Variants in P3H2 observed in about 807,000 individuals in gnomAD.
The protein encoded by P3H2 is leprecan-like 1.
A neutral mutation model predicts 87.0 loss-of-function variants in P3H2; 80 were observed. The observed-to-expected ratio is 0.92, with a 90% CI of 0.77 to 1.11. P3H2 has a LOEUF of 1.11. P3H2 is among the 50% of genes least tolerant of loss of function. P3H2 has a pLI of 0.00. For missense variants in P3H2, 1,001 were observed against 923.9 expected, an observed-to-expected ratio of 1.08 and a Z score of -1.08; for synonymous variants, 367 against 359.3, an observed-to-expected ratio of 1.02 and a Z score of -0.24.
chr3:189,970,190 A>AT (rs1472895975), intron 13 of P3H2, among the ~76,000 whole-genome samples: 4 of 71,204 alleles, frequency 5.6e-5, no homozygotes, highest in African/African-American at 1.8e-4. Context: ...ATATATATGC[A>AT]AATATATATA....
chr3:190,010,633 C>G (rs898560690), intron 1 of P3H2, among the ~76,000 whole-genome samples: 3 of 152,140 alleles, frequency 2.0e-5, no homozygotes, highest in African/African-American at 7.2e-5. Flanking sequence ...AAAACCAAAC[C>G]TGACTCCTTG....
At chr3:190,058,252 T>A (rs757391001) in intron 1 of P3H2, among the ~76,000 whole-genome samples, 1 of 152,172 alleles carries the variant, frequency 6.6e-6, no homozygotes, top group African/African-American at 2.4e-5. Context: ...TAGTTCTTTT[T>A]CAGTAAGATG....
At chr3:190,054,918 T>TA (rs1404633664) in intron 1 of P3H2, among the ~76,000 whole-genome samples, 1 of 152,150 alleles carries the variant, frequency 6.6e-6, no homozygotes, top group Non-Finnish European at 1.5e-5. Context: ...ATATCCCTCT[T>TA]AAATGCCCCC....
At chr3:190,049,199 G>T (rs1029695368) in intron 1 of P3H2, among the ~76,000 whole-genome samples, 5 of 152,162 alleles carry the variant, frequency 3.3e-5, no homozygotes, top group Non-Finnish European at 7.4e-5. Flanking sequence ...AAAAGATCAG[G>T]ATCGGGGAGT....
intron 1 of P3H2, among the ~76,000 whole-genome samples, chr3:190,065,538 G>A (rs764963325): frequency 3.3e-5 from 5 of 152,028 alleles, no homozygotes; most frequent in South Asian, 2.1e-4. Flanking sequence ...AATCAGTAAC[G>A]ACATAGAGAT....
At chr3:190,120,929 G>A (rs1712557679), upstream of P3H2, 1 of 759,144 alleles carries the variant, frequency 1.3e-6, no homozygotes, top group Non-Finnish European at 1.9e-6. Flanking sequence ...GCTCTTAAAG[G>A]GACGCCCACA....
intron 1 of P3H2, among the ~76,000 whole-genome samples, chr3:190,084,172 T>C (rs2108981317): frequency 6.6e-6 from 1 of 152,352 alleles, no homozygotes; most frequent in African/African-American, 2.4e-5. Context: ...GAGCTGATTA[T>C]GTATATTGCA....
At chr3:189,986,315 C>T (rs189831613) in intron 6 of P3H2, among the ~76,000 whole-genome samples, 128 of 152,228 alleles carry the variant, frequency 8.4e-4, no homozygotes, top group African/African-American at 2.9e-3. Context: ...CCGGGTGCGG[C>T]GGCTCAAGCC....
chr3:189,956,801 AG>A lies in P3H2; in HGVS notation c.*1110del. 4.0e-6 allele frequency: 1 copy of A among 250,770 alleles called. No homozygotes were observed. The highest frequency in any genetic ancestry group is 5.5e-5 in the Admixed American group (1 of 18,276). 15.5% of individuals were successfully genotyped at this position (250,770 alleles called of 1,614,324 possible). A position where few individuals can be genotyped will look rare whatever the true frequency, so the allele number is the denominator to read the frequency against. ...TGTGTGCTGGATAGCAGCAATGAGGAGGGGCCCCCAAAATATAAGCAGATGA... is the reference window on the plus strand; with the variant it reads ...TGTGTGCTGGATAGCAGCAATGAGGAGGGCCCCCAAAATATAAGCAGATGA... On this transcript the variant is annotated 3_prime_UTR_variant, in exon 15 of 15. Coordinates refer to ENST00000319332, the MANE Select transcript of P3H2 (RefSeq NM_018192.4).
At position 189,957,157 on chromosome 3, in the gene P3H2, TA is replaced by T. The variant is rs569377379; in HGVS notation, c.*754del. ...CTGAAGTCCCCTCTGTCTCATACAG[TA>T]ATCATCCATGAGATCTCCCGGAGCC... On this transcript the variant is annotated 3_prime_UTR_variant, in exon 15 of 15. Coordinates refer to ENST00000319332, the MANE Select transcript of P3H2 (RefSeq NM_018192.4). The T allele has an allele frequency of 2.6e-3, 1,041 of 398,676 alleles. 8 individuals are homozygous for T. The highest frequency in any genetic ancestry group is 0.019 in the African/African-American group (948 of 48,722). The allele number at this position is 398,676 out of a possible 1,614,324, so 24.7% of individuals were successfully genotyped here.
chr3:190,102,636 T>C (rs1051094661), intron 1 of P3H2, among the ~76,000 whole-genome samples: 5 of 151,916 alleles, frequency 3.3e-5, no homozygotes, highest in African/African-American at 4.9e-5. Context: ...TGGAAACTAC[T>C]CCTGGTGAAG....
At chr3:189,978,648 G>A (rs902116798) in intron 8 of P3H2, among the ~76,000 whole-genome samples, 1 of 148,414 alleles carries the variant, frequency 6.7e-6, no homozygotes, top group Non-Finnish European at 1.5e-5. Context: ...TTTTCCACAC[G>A]TACATTTAAC....
At chr3:189,958,699 C>CTTTTTT (rs71175319) in intron 14 of P3H2, among the ~76,000 whole-genome samples, 2 of 120,242 alleles carry the variant, frequency 1.7e-5, no homozygotes, top group Non-Finnish European at 1.7e-5. Context: ...ATTGCTCCCT[C>CTTTTTT]TTTTTTTTTT....
At chr3:190,046,974 T>C (rs1725826467) in intron 1 of P3H2, among the ~76,000 whole-genome samples, 3 of 151,990 alleles carry the variant, frequency 2.0e-5, no homozygotes, top group Admixed American at 1.3e-4. Context: ...GGAGAAATAT[T>C]TGCAAACTAT....
chr3:190,006,826 T>C (rs115457792), intron 1 of P3H2, among the ~76,000 whole-genome samples: 2 of 152,270 alleles, frequency 1.3e-5, no homozygotes, highest in African/African-American at 4.8e-5. Flanking sequence ...GTGTTTTGGA[T>C]AACGTGGCTC....
rs140468933 is a variant in P3H2, at chr3:190,084,728, A to G, written c.480+35524T>C. ...ATTTCTCCTATAATGAAGTAATATG[A>G]AACAATGCAAAGTATACAAGTTTAG... is the stretch of plus-strand genomic sequence containing the variant. On this transcript the variant is annotated intron_variant, in intron 1 of 14. Transcript: ENST00000319332. Among the ~76,000 whole-genome samples, 149 of 152,344 alleles carry G rather than the reference A, an allele frequency of 9.8e-4. 2 individuals carry two copies. The highest frequency in any genetic ancestry group is 3.3e-3 in the African/African-American group (139 of 41,582).
intron 1 of P3H2, among the ~76,000 whole-genome samples, chr3:190,037,269 AAGG>A (rs1366807650): frequency 6.6e-6 from 1 of 152,114 alleles, no homozygotes; most frequent in African/African-American, 2.4e-5. Context: ...CCTTCCCTAA[AAGG>A]AGAAGCAAAT....
chr3:190,049,288 T>C lies in P3H2; in HGVS notation c.481-53846A>G, dbSNP rs916981953. On this transcript the variant is annotated intron_variant, in intron 1 of 14. Coordinates refer to ENST00000319332, the MANE Select transcript of P3H2 (RefSeq NM_018192.4). ...CACATGGTTTTTTTTTTCAGTCATA[T>C]TAATTAAGTTCTGTGCACGGTGCTT... Among the ~76,000 whole-genome samples, 28 of 152,140 alleles carry C rather than the reference T, an allele frequency of 1.8e-4. No homozygotes were observed. In the East Asian group the frequency reaches 2.1e-3, roughly 12 times the overall value.
chr3:190,005,511 C>T (rs1471873053), intron 1 of P3H2, among the ~76,000 whole-genome samples: 4 of 152,204 alleles, frequency 2.6e-5, no homozygotes, highest in African/African-American at 9.6e-5. Flanking sequence ...TTCCAACATG[C>T]TTGGTCTCCC....
Sources: allele counts gnomAD v4.1 joint callset (sites outside exome capture counted in the v4.1 genomes callset), GRCh38; gene constraint gnomAD v4.1.1; transcripts MANE v1.5; gene names NCBI Gene and HGNC (gene_info 2026-07-23, HGNC 2026-07-21).